GSE1: variants seen among roughly 807,000 people sequenced by gnomAD.
GSE1 encodes the protein Gse1 coiled-coil protein.
A neutral mutation model predicts 112.6 loss-of-function variants in GSE1; 32 were observed. That is an observed-to-expected ratio of 0.28 (90% CI 0.21 to 0.38). GSE1 has a LOEUF of 0.38. Among genes scored for constraint, GSE1 ranks in the 10% least tolerant of loss-of-function variants. The probability of loss-of-function intolerance (pLI) is 1.00; values close to 1 mark genes in which losing one functional copy is unlikely to be tolerated. For missense variants in GSE1, 2,348 were observed against 1,699.2 expected (o/e 1.38, Z -6.71); for synonymous variants, 1,115 against 735.6 (o/e 1.52, Z -8.35).
chr16:85,604,583 TTA>T (rs1307129343), intron 1 of GSE1, among the ~76,000 whole-genome samples: 1 of 149,378 alleles, frequency 6.7e-6, no homozygotes, highest in Non-Finnish European at 1.5e-5. Context: ...CACATTTTGT[TTA>T]TCTCTTCCCC....
At chr16:85,248,150 T>G (rs1906064835) in intron 1 of GSE1, among the ~76,000 whole-genome samples, 1 of 152,160 alleles carries the variant, frequency 6.6e-6, no homozygotes, top group African/African-American at 2.4e-5. Flanking sequence ...GCTGCTCATC[T>G]TGTGGGGACC....
chr16:85,181,314 G>A (rs570740001), intron 1 of GSE1, among the ~76,000 whole-genome samples: 3 of 152,360 alleles, frequency 2.0e-5, no homozygotes, highest in Non-Finnish European at 4.4e-5. Context: ...CAGATAAGGA[G>A]GCCAAGGCTC....
chr16:85,583,842 G>T (rs1363222992), intron 1 of GSE1, among the ~76,000 whole-genome samples: 3 of 152,212 alleles, frequency 2.0e-5, no homozygotes, highest in Non-Finnish European at 4.4e-5. Flanking sequence ...TCTGGAGCCT[G>T]CCTCCCCGGC....
intron 2 of GSE1, among the ~76,000 whole-genome samples, chr16:85,454,307 G>A (rs189876635): frequency 1.2e-3 from 189 of 152,292 alleles, no homozygotes; most frequent in African/African-American, 4.1e-3. Flanking sequence ...TTGGTTCCTC[G>A]CCCTCAGCCC....
chr16:85,670,897 T>G, intron 14 of GSE1, 98 bp from the exon 15 acceptor site: 1 of 745,170 alleles, frequency 1.3e-6, no homozygotes. Flanking sequence ...TGGAGAGAGG[T>G]TTTGGGCTCT....
chr16:85,516,802 T>TTC (rs1324357364), intron 2 of GSE1, among the ~76,000 whole-genome samples: 9 of 148,998 alleles, frequency 6.0e-5, no homozygotes, highest in African/African-American at 1.5e-4. Context: ...TTGGTTCTTT[T>TTC]TTTTTTTTTT....
At chr16:85,366,647 C>T (rs1400709244) in intron 2 of GSE1, among the ~76,000 whole-genome samples, 1 of 152,210 alleles carries the variant, frequency 6.6e-6, no homozygotes, top group Non-Finnish European at 1.5e-5. Flanking sequence ...TGCCCTCCTA[C>T]TTAGACTGGG....
intron 8 of GSE1, among the ~76,000 whole-genome samples, chr16:85,657,922 G>A (rs1298735058): frequency 6.6e-6 from 1 of 152,176 alleles, no homozygotes; most frequent in Non-Finnish European, 1.5e-5. Context: ...AAGAGTGCAA[G>A]GTAGAAGCTT....
intron 1 of GSE1, among the ~76,000 whole-genome samples, chr16:85,581,792 G>T (rs1388826583): frequency 6.6e-6 from 1 of 152,170 alleles, no homozygotes; most frequent in African/African-American, 2.4e-5. Flanking sequence ...ACGAGTGGAT[G>T]GGGTCTACAC....
intron 1 of GSE1, among the ~76,000 whole-genome samples, chr16:85,300,419 G>C (rs914212871): frequency 6.6e-6 from 1 of 152,188 alleles, no homozygotes; most frequent in Admixed American, 6.5e-5. Context: ...TTCCCAAACA[G>C]AAATTCTGTA....
intron 1 of GSE1, among the ~76,000 whole-genome samples, chr16:85,601,817 T>C (rs1348107763): frequency 6.6e-6 from 1 of 152,140 alleles, no homozygotes; most frequent in African/African-American, 2.4e-5. Context: ...GCCTATCCTG[T>C]GGTGGGTGAG....
chr16:85,272,845 C>G (rs1349462841), intron 1 of GSE1, among the ~76,000 whole-genome samples: 2 of 148,408 alleles, frequency 1.3e-5, no homozygotes, highest in African/African-American at 2.5e-5. Flanking sequence ...GACATGATCT[C>G]TGCTCACTGC....
At chr16:85,218,272 G>T (rs770069693) in intron 1 of GSE1, among the ~76,000 whole-genome samples, 2 of 152,126 alleles carry the variant, frequency 1.3e-5, no homozygotes, top group Non-Finnish European at 2.9e-5. Context: ...TAAGTCATGG[G>T]CTTGGGGGTC....
chr16:85,289,434 G>C (rs914141518), intron 1 of GSE1, among the ~76,000 whole-genome samples: 1 of 152,180 alleles, frequency 6.6e-6, no homozygotes, highest in Non-Finnish European at 1.5e-5. Flanking sequence ...TGTCCCCTAA[G>C]TGACACATAT....
chr16:85,256,670 A>C (rs1228273937), intron 1 of GSE1, among the ~76,000 whole-genome samples: 1 of 152,242 alleles, frequency 6.6e-6, no homozygotes, highest in Non-Finnish European at 1.5e-5. Flanking sequence ...CCACCAGCTC[A>C]GACCCCATGT....
chr16:85,641,292 T>C (rs2050425760), intron 2 of GSE1, among the ~76,000 whole-genome samples: 1 of 152,228 alleles, frequency 6.6e-6, no homozygotes, highest in African/African-American at 2.4e-5. Context: ...AAGCTCACGC[T>C]GTTCAGCACA....
intron 3 of GSE1, among the ~76,000 whole-genome samples, chr16:85,651,417 C>G (rs1015745946): frequency 6.6e-6 from 1 of 152,108 alleles, no homozygotes; most frequent in Admixed American, 6.5e-5. Context: ...CCCAGCCCCC[C>G]GGACTCCCTG....
intron 2 of GSE1, among the ~76,000 whole-genome samples, chr16:85,500,273 G>A (rs772301087): frequency 4.8e-4 from 73 of 152,196 alleles, no homozygotes; most frequent in Admixed American, 1.1e-3. Flanking sequence ...TGTAGTTCAC[G>A]TGGATTTCCT....
At chr16:85,209,090 G>A (rs1211317342) in intron 1 of GSE1, among the ~76,000 whole-genome samples, 3 of 151,968 alleles carry the variant, frequency 2.0e-5, no homozygotes, top group Non-Finnish European at 2.9e-5. Context: ...GTGTGTTGGG[G>A]TCTGCCGCGT....
Sources: gnomAD v4.1 joint callset for allele counts (sites outside exome capture counted in the v4.1 genomes callset) on GRCh38, gnomAD v4.1.1 for gene constraint, MANE v1.5 for transcripts, NCBI Gene and HGNC (gene_info 2026-07-23, HGNC 2026-07-21) for gene names.